The following SNAPC5 variants were observed in gnomAD, a reference collection of about 807,000 sequenced individuals.
SNAPC5 encodes the protein small nuclear RNA activating complex polypeptide 5, also known as snRNA-activating protein complex subunit 5.
Under a neutral mutation model 9.1 loss-of-function variants are expected in SNAPC5, and 12 were observed. That is an observed-to-expected ratio of 1.32 (90% CI 0.85 to 2.15). The LOEUF is 2.15. Among genes scored for constraint, SNAPC5 ranks in the 30% most tolerant of loss-of-function variants. SNAPC5 has a pLI of 0.00. For missense variants in SNAPC5, 132 were observed against 114.4 expected (o/e 1.15, Z -0.70); for synonymous variants, 52 against 47.3 (o/e 1.10, Z -0.41).
downstream of SNAPC5, chr15:66,491,064 T>C (rs1411844958): frequency 8.2e-6 from 3 of 367,336 alleles, no homozygotes; most frequent in Admixed American, 4.5e-5. Flanking sequence ...AGGCAGTGCA[T>C]GTGAAGCATG....
downstream of SNAPC5, chr15:66,493,331 T>C (rs927468193): frequency 1.3e-5 from 2 of 152,280 alleles, no homozygotes; most frequent in South Asian, 4.1e-4. Flanking sequence ...GTAAAAACTC[T>C]TATTCTGTAA....
intron 1 of SNAPC5, among the ~76,000 whole-genome samples, chr15:66,496,384 G>T (rs1280777083): frequency 6.6e-6 from 1 of 152,204 alleles, no homozygotes. Flanking sequence ...AGAATCCCTT[G>T]AACCCGGGAG....
downstream of SNAPC5, chr15:66,491,858 C>T (rs1420872070): frequency 9.4e-6 from 4 of 426,854 alleles, no homozygotes; most frequent in Non-Finnish European, 1.9e-5. Context: ...GGACTGGGAG[C>T]AAATCTGAGA....
At position 66,493,658 on chromosome 15, in the gene SNAPC5, CAAAACAAAACAA is replaced by C. The variant is rs1435002294; in HGVS notation, c.*766_*777del. On this transcript the variant is annotated 3_prime_UTR_variant, in exon 3 of 3. Transcript: ENST00000316634. ...AATAAGAGTGAAACTCCGTCTCAAA[CAAAACAAAACAA>C]AAAACAAAACAAAAAATCCAGTCTT... 6.8e-5 allele frequency: 5 copies of C among 73,070 alleles called. No individual in the cohort carries two copies. Among genetic ancestry groups the C allele is most frequent in the East Asian group, 5.1e-4 (1 of 1,966 alleles). The allele number at this position is 73,070 out of a possible 1,614,324, so 4.5% of individuals were successfully genotyped here.
chr15:66,489,814 TTC>T (rs763233596), downstream of SNAPC5: 1 of 1,464,812 alleles, frequency 6.8e-7, no homozygotes, highest in Non-Finnish European at 9.6e-7. Context: ...TCATTTGTTC[TTC>T]TCTGTCAGTC....
downstream of SNAPC5, chr15:66,489,922 C>A: frequency 1.3e-6 from 1 of 742,834 alleles, no homozygotes; most frequent in East Asian, 2.6e-5. Flanking sequence ...CTCCTTTGCT[C>A]TCCCATCAGT....
downstream of SNAPC5, chr15:66,492,084 T>TA: frequency 2.2e-6 from 1 of 456,336 alleles, no homozygotes; most frequent in South Asian, 1.5e-5. Flanking sequence ...TTTCACCACT[T>TA]ACACTTAACC....
At chr15:66,495,573 C>T (rs922874263) in intron 1 of SNAPC5, among the ~76,000 whole-genome samples, 154 bp from the exon 2 acceptor site, 1 of 152,190 alleles carries the variant, frequency 6.6e-6, no homozygotes, top group African/African-American at 2.4e-5. Flanking sequence ...GGGGTAGGCT[C>T]TTAGGTTTTC....
At position 66,494,419 on chromosome 15, in the gene SNAPC5, C is replaced by T. The variant is rs1421812868; in HGVS notation, c.*17G>A. Reference sequence around the variant, plus strand: ...AATGCAATTTGTATAACTGACCAGCCTGGCTTTCCCCCTCCTTTAGGAATC... The same window carrying T: ...AATGCAATTTGTATAACTGACCAGCTTGGCTTTCCCCCTCCTTTAGGAATC... On this transcript the variant is annotated 3_prime_UTR_variant, in exon 3 of 3. Transcript: ENST00000316634. 1.3e-6 allele frequency: 2 copies of T among 1,556,032 alleles called. No individual in the cohort carries two copies. Among genetic ancestry groups the T allele is most frequent in the Admixed American group, 1.7e-5 (1 of 59,932 alleles).
In SNAPC5 at chr15:66,495,311, T is replaced by A. The variant is rs1893387705; in HGVS notation, c.180+19A>T. ...CAGACTTTGCATTCTCTCCTAGGCC[T>A]GCACTTGATTAAGCTTACATCATGT... On this transcript the variant is annotated intron_variant, in intron 2 of 2. Transcript: ENST00000316634. 1 of 1,413,418 alleles carries A rather than the reference T, an allele frequency of 7.1e-7. No homozygotes were observed. Among genetic ancestry groups the A allele is most frequent in the Admixed American group, 1.7e-5 (1 of 59,760 alleles). 87.6% of individuals were successfully genotyped at this position (1,413,418 alleles called of 1,614,324 possible).
At chr15:66,496,418 T>C (rs561065177) in intron 1 of SNAPC5, among the ~76,000 whole-genome samples, 15 of 152,092 alleles carry the variant, frequency 9.9e-5, no homozygotes, top group Admixed American at 3.3e-4. Context: ...TGAGCCAAGA[T>C]TGCGCCACCG....
downstream of SNAPC5, among the ~76,000 whole-genome samples, chr15:66,492,789 A>G (rs182350922): frequency 2.0e-5 from 3 of 152,200 alleles, no homozygotes; most frequent in East Asian, 5.8e-4. Flanking sequence ...TACCAATGAT[A>G]GTTGGATTTT....
intron 1 of SNAPC5, among the ~76,000 whole-genome samples, chr15:66,496,421 C>T (rs375738352): frequency 2.0e-5 from 3 of 152,024 alleles, no homozygotes; most frequent in East Asian, 3.9e-4. Context: ...GCCAAGATTG[C>T]GCCACCGCAC....
chr15:66,495,361 G>C lies in SNAPC5; in HGVS notation c.149C>G (p.Ser50Cys). 1 of 1,606,628 alleles carries C rather than the reference G, an allele frequency of 6.2e-7. No homozygotes were observed. Among genetic ancestry groups the C allele is most frequent in the Non-Finnish European group, 8.5e-7 (1 of 1,173,082 alleles). The change falls in exon 2 of 3, where the codon TCT becomes TGT. Residue 50 changes from serine to cysteine, a missense_variant. By Grantham distance (112) the Ser-to-Cys change is moderately radical. Transcript: ENST00000316634. Reference sequence around the variant, plus strand: ...TGACTGTTCAGGTACAGTGTGAGAAGACAGCATCTCATCCCCTCTTCTAGA... The same window carrying C: ...TGACTGTTCAGGTACAGTGTGAGAACACAGCATCTCATCCCCTCTTCTAGA... ...ISSRRGDEML[S>C]SHTVPEQSHD...
chr15:66,492,151 TG>T, downstream of SNAPC5: 1 of 434,462 alleles, frequency 2.3e-6, no homozygotes, highest in South Asian at 1.6e-5. Context: ...GCCTGTGAGG[TG>T]GCAGTGATGT....
chr15:66,492,035 G>A (rs1031052033), downstream of SNAPC5: 1 of 456,478 alleles, frequency 2.2e-6, no homozygotes, highest in South Asian at 1.5e-5. Context: ...ACATAGGACA[G>A]TCTGTCTCCT....
downstream of SNAPC5, chr15:66,492,444 T>C (rs1893286001): frequency 6.5e-6 from 1 of 153,716 alleles, no homozygotes; most frequent in African/African-American, 2.4e-5. Context: ...AACTTTTTTT[T>C]CTCTCACTGT....
chr15:66,491,917 A>T (rs1403723964), downstream of SNAPC5: 1 of 453,064 alleles, frequency 2.2e-6, no homozygotes, highest in Admixed American at 2.4e-5. Context: ...CATTTTCCAT[A>T]TACCAATAGT....
rs1893351827 is a variant in SNAPC5 at position 66,494,303 on chromosome 15, ATCC to A, written c.*130_*132del. On this transcript the variant is annotated 3_prime_UTR_variant, in exon 3 of 3. Transcript: ENST00000316634. ...GATGGAGCCATTTTTGCAACTACAC[ATCC>A]TCCTTATAGTTCTTGCTTTCCTTTC... 1.5e-6 allele frequency: 1 copy of A among 670,422 alleles called. No individual in the cohort carries two copies. The highest frequency in any genetic ancestry group is 1.8e-5 in the African/African-American group (1 of 55,706). The allele number at this position is 670,422 out of a possible 1,614,324, so 41.5% of individuals were successfully genotyped here.
Sources: allele counts gnomAD v4.1 joint callset (sites outside exome capture counted in the v4.1 genomes callset), GRCh38; gene constraint gnomAD v4.1.1; transcripts MANE v1.5; gene names NCBI Gene and HGNC (gene_info 2026-07-23, HGNC 2026-07-21).